Variants in RYR3 observed in about 807,000 individuals in gnomAD.
The protein encoded by RYR3 is ryanodine receptor 3, also known as brain ryanodine receptor-calcium release channel.
Under a neutral mutation model 584.3 loss-of-function variants are expected in RYR3, and 207 were observed. That is an observed-to-expected ratio of 0.35 (90% CI 0.32 to 0.40). RYR3 has a LOEUF of 0.40. Ranked by LOEUF, RYR3 falls within the 10% of genes least tolerant of loss-of-function variation. RYR3 has a pLI of 1.00. For missense variants in RYR3, 5,616 were observed against 6,089.2 expected, an observed-to-expected ratio of 0.92 and a Z score of 2.59; for synonymous variants, 2,416 against 2,248.5, an observed-to-expected ratio of 1.07 and a Z score of -2.11.
chr15:33,436,606 T>A (rs2045749839), intron 1 of RYR3, among the ~76,000 whole-genome samples: 3 of 151,622 alleles, frequency 2.0e-5, no homozygotes, highest in African/African-American at 7.3e-5. Context: ...GTTCACACCA[T>A]TCTCCTGCCT....
At chr15:33,834,820 AT>A in intron 86 of RYR3, 147 bp from the exon 87 acceptor site, 1 of 567,474 alleles carries the variant, frequency 1.8e-6, no homozygotes, top group Admixed American at 3.3e-5. Context: ...GAAAAAAGTA[AT>A]AATCCTGGGA....
intron 1 of RYR3, among the ~76,000 whole-genome samples, chr15:33,422,633 G>A (rs1397960950): frequency 6.6e-6 from 1 of 152,070 alleles, no homozygotes; most frequent in Non-Finnish European, 1.5e-5. Context: ...ACACAGAACT[G>A]CGTGGGCAAG....
At chr15:33,574,189 G>A (rs1462128367) in intron 12 of RYR3, among the ~76,000 whole-genome samples, 5 of 152,102 alleles carry the variant, frequency 3.3e-5, no homozygotes, top group Non-Finnish European at 7.4e-5. Context: ...CTGCCTCAGC[G>A]AGCTACAAAA....
chr15:33,821,695 G>A, intron 80 of RYR3, 93 bp downstream of exon 80: 1 of 1,218,012 alleles, frequency 8.2e-7, no homozygotes, highest in Non-Finnish European at 1.2e-6. Flanking sequence ...CTGCTACAGA[G>A]GGGAGCCACC....
At chr15:33,431,929 GCAT>G (rs1233686328) in intron 1 of RYR3, among the ~76,000 whole-genome samples, 3 of 152,144 alleles carry the variant, frequency 2.0e-5, no homozygotes, top group Non-Finnish European at 4.4e-5. Context: ...AGACGTTTTT[GCAT>G]CATCAAGTAA....
chr15:33,327,226 G>C (rs1011533099), intron 1 of RYR3, among the ~76,000 whole-genome samples: 5 of 152,344 alleles, frequency 3.3e-5, no homozygotes, highest in Admixed American at 1.3e-4. Context: ...GCACTGGAGG[G>C]CTATAGTCTT....
At chr15:33,669,547 G>C (rs2063693143) in intron 37 of RYR3, 91 bp downstream of exon 37, 1 of 1,081,732 alleles carries the variant, frequency 9.2e-7, no homozygotes, top group Non-Finnish European at 1.4e-6. Flanking sequence ...AGGTTGGGAA[G>C]TTATTTTTGT....
In RYR3 at chr15:33,423,528, G is replaced by T. The variant is rs553324988; in HGVS notation, c.52-49891G>T. Among the ~76,000 whole-genome samples the T allele has an allele frequency of 9.2e-5, 14 of 152,224 alleles. 1 individual carries two copies. The South Asian group carries it at 2.9e-3, about 32-fold the overall frequency. The stretch of plus-strand genomic sequence containing the variant: ...AGAAGTGGAGTTTCTGGGTCACATG[G>T]TAATTCTACATTTAACTTTTTGAGG... On this transcript the variant is annotated intron_variant, in intron 1 of 103. Transcript: ENST00000634891.
rs569643755 is a variant in RYR3 at position 33,843,213 on chromosome 15, G to A, written c.13210-275G>A. 1.8e-4 allele frequency among the ~76,000 whole-genome samples: 27 copies of A among 152,174 alleles called. No individual in the cohort carries two copies. In the South Asian group the frequency reaches 4.6e-3, roughly 26 times the overall value. On this transcript the variant is annotated intron_variant, in intron 91 of 103. Coordinates refer to ENST00000634891, the MANE Select transcript of RYR3 (RefSeq NM_001036.6). The stretch of plus-strand genomic sequence containing the variant: ...CGGGCGCCTGTAGTCCCAGCTACTC[G>A]GGAGGCTGAGACAGGAGAATGGCAT...
intron 57 of RYR3, among the ~76,000 whole-genome samples, chr15:33,751,410 T>G (rs2071291401): frequency 6.6e-6 from 1 of 152,236 alleles, no homozygotes; most frequent in Non-Finnish European, 1.5e-5. Flanking sequence ...TTTCCTGACT[T>G]TTTAATGATC....
intron 1 of RYR3, among the ~76,000 whole-genome samples, chr15:33,385,710 C>CTTTTCTTTTT (rs2041550458): frequency 7.6e-5 from 10 of 131,402 alleles, no homozygotes; most frequent in Non-Finnish European, 1.5e-4. Flanking sequence ...TTTTTCTTTT[C>CTTTTCTTTTT]TTTTTTTTTT....
Position 33,580,079 on chromosome 15 carries a change from C to A in RYR3, c.1372C>A (p.Arg458=), listed in dbSNP as rs1308213427. ...CTTCCAGCCCCCAGAGGAGGAGATG[C>A]GACATGAAGACAAGCAGAACAAGCT... is the stretch of plus-strand genomic sequence containing the variant. ...AYFQPPEEEM[R]HEDKQNKLRS... is the part of the protein sequence containing the mutation. Residue 458 remains arginine, a synonymous_variant, in exon 13 of 104, where the codon CGA becomes AGA. Coordinates refer to ENST00000634891, the MANE Select transcript of RYR3 (RefSeq NM_001036.6). The A allele has an allele frequency of 1.2e-6, 2 of 1,613,268 alleles. No homozygotes were observed. The highest frequency in any genetic ancestry group is 1.3e-5 in the African/African-American group (1 of 74,990).
At chr15:33,712,044 G>A (rs1449088160) in intron 43 of RYR3, among the ~76,000 whole-genome samples, 2 of 152,218 alleles carry the variant, frequency 1.3e-5, no homozygotes, top group Non-Finnish European at 2.9e-5. Flanking sequence ...CATGGTGCTA[G>A]CATCTGCTTG....
intron 2 of RYR3, among the ~76,000 whole-genome samples, chr15:33,491,422 A>G (rs373659347): frequency 8.5e-5 from 13 of 152,188 alleles, no homozygotes; most frequent in African/African-American, 3.1e-4. Context: ...GCAAGTGGCT[A>G]ATCTGAAGCA....
chr15:33,417,351 C>G (rs1348234721), intron 1 of RYR3, among the ~76,000 whole-genome samples: 4 of 151,946 alleles, frequency 2.6e-5, no homozygotes, highest in Non-Finnish European at 5.9e-5. Flanking sequence ...GTTTGTGTTG[C>G]TTATGGTCCC....
intron 48 of RYR3, among the ~76,000 whole-genome samples, chr15:33,734,947 T>A (rs567441326): frequency 6.6e-6 from 1 of 152,212 alleles, no homozygotes; most frequent in South Asian, 2.1e-4. Context: ...CACCTTGATC[T>A]CTCGAAGTGC....
At chr15:33,369,435 G>A (rs1169515246) in intron 1 of RYR3, among the ~76,000 whole-genome samples, 6 of 152,090 alleles carry the variant, frequency 3.9e-5, no homozygotes, top group African/African-American at 1.4e-4. Context: ...ATCTATGGCC[G>A]AGCTCACATG....
At position 33,865,643 on chromosome 15, in the gene RYR3, C is replaced by CTGCAGTCTAATTTT. The variant is rs1361306018; in HGVS notation, c.*418_*419insGCAGTCTAATTTTT. On this transcript the variant is annotated 3_prime_UTR_variant, in exon 104 of 104. Coordinates refer to ENST00000634891, the MANE Select transcript of RYR3 (RefSeq NM_001036.6). ...TTGTGACTCATAGGGTCTGAACTCA[C>CTGCAGTCTAATTTT]TCCAAAAGATAATAACTGCAGTCTA... 1 of 136,510 alleles carries CTGCAGTCTAATTTT rather than the reference C, an allele frequency of 7.3e-6. No homozygotes were observed. Among genetic ancestry groups the CTGCAGTCTAATTTT allele is most frequent in the African/African-American group, 2.7e-5 (1 of 36,954 alleles). 8.5% of individuals were successfully genotyped at this position (136,510 alleles called of 1,614,324 possible).
At chr15:33,447,845 G>T (rs997660893) in intron 1 of RYR3, among the ~76,000 whole-genome samples, 1 of 152,102 alleles carries the variant, frequency 6.6e-6, no homozygotes, top group African/African-American at 2.4e-5. Flanking sequence ...TTCAATAGAT[G>T]ATAATAGTAA....
Sources: allele counts gnomAD v4.1 joint callset (sites outside exome capture counted in the v4.1 genomes callset), GRCh38; gene constraint gnomAD v4.1.1; transcripts MANE v1.5; gene names NCBI Gene and HGNC (gene_info 2026-07-23, HGNC 2026-07-21).